BMPR2: variants seen among roughly 807,000 people sequenced by gnomAD.
BMPR2 encodes bone morphogenetic protein receptor type-2.
Under a neutral mutation model 100.8 loss-of-function variants are expected in BMPR2, and 29 were observed. The ratio of observed to expected loss-of-function variants is 0.29; its 90% CI spans 0.21 to 0.39. BMPR2 has a LOEUF of 0.39. Among genes scored for constraint, BMPR2 ranks in the 10% least tolerant of loss-of-function variants. BMPR2 has a pLI of 1.00. For missense variants in BMPR2, 1,011 were observed against 1,274.5 expected (o/e 0.79, Z 3.15); for synonymous variants, 382 against 442.3 (o/e 0.86, Z 1.71).
intron 1 of BMPR2, among the ~76,000 whole-genome samples, chr2:202,445,750 A>G (rs1298491321): frequency 1.4e-5 from 2 of 145,960 alleles, no homozygotes. Flanking sequence ...ATAAGCCACC[A>G]TGCCTAGCCC....
In BMPR2 at chr2:202,377,162, G is replaced by A. The variant is rs1690166025; in HGVS notation, c.-313G>A. On this transcript the variant is annotated 5_prime_UTR_variant, in exon 1 of 13. Coordinates refer to ENST00000374580, the MANE Select transcript of BMPR2 (RefSeq NM_001204.7). The stretch of plus-strand genomic sequence containing the variant: ...TTTTTGATATCGTGAAACTACGAGG[G>A]AAATAATTTGGGGGATTTCTTCTTG... 3.4e-6 allele frequency: 2 copies of A among 587,466 alleles called. No individual in the cohort carries two copies. Among genetic ancestry groups the A allele is most frequent in the Non-Finnish European group, 6.1e-6 (2 of 330,146 alleles). 36.4% of individuals were successfully genotyped at this position (587,466 alleles called of 1,614,324 possible). A position where few individuals can be genotyped will look rare whatever the true frequency, so the allele number is the denominator to read the frequency against.
chr2:202,416,939 C>G (rs374635183), intron 1 of BMPR2, among the ~76,000 whole-genome samples: 3 of 150,552 alleles, frequency 2.0e-5, no homozygotes, highest in Non-Finnish European at 4.4e-5. Context: ...TGGGTTCACA[C>G]GATTCTCCTG....
rs762103112 is a variant in BMPR2, at chr2:202,506,354, C to T, written c.419-7365C>T. Among the ~76,000 whole-genome samples the T allele has an allele frequency of 8.2e-4, 125 of 151,948 alleles. 1 individual carries two copies. The highest frequency in any genetic ancestry group is 8.4e-4 in the Non-Finnish European group (57 of 67,988). On this transcript the variant is annotated intron_variant, in intron 3 of 12. Coordinates refer to ENST00000374580, the MANE Select transcript of BMPR2 (RefSeq NM_001204.7). ...TGTATTTTTAGTAGAGACAGGGTTT[C>T]GCCATGTTGGCCAGCCTGGTCTCAA...
chr2:202,504,681 T>C (rs1261012704), intron 3 of BMPR2, among the ~76,000 whole-genome samples: 3 of 134,590 alleles, frequency 2.2e-5, no homozygotes, highest in African/African-American at 1.0e-4. Context: ...GTAGATTCTT[T>C]TTTTTTTTTT....
chr2:202,510,605 G>A (rs1369025813), intron 3 of BMPR2, among the ~76,000 whole-genome samples: 3 of 152,112 alleles, frequency 2.0e-5, no homozygotes, highest in East Asian at 3.8e-4. Context: ...GTGTGTGTAT[G>A]TGTATGTATT....
chr2:202,498,673 C>A (rs1427764617), intron 3 of BMPR2, among the ~76,000 whole-genome samples: 1 of 152,148 alleles, frequency 6.6e-6, no homozygotes. Flanking sequence ...CCTTGAAATG[C>A]ATCCTAAGCC....
chr2:202,540,286 A>T (rs2106029078), intron 9 of BMPR2, among the ~76,000 whole-genome samples: 1 of 152,318 alleles, frequency 6.6e-6, no homozygotes, highest in East Asian at 1.9e-4. Flanking sequence ...TGTTGTGTGT[A>T]TGTCTCAGAG....
chr2:202,457,557 TATATAGAGAG>T (rs377286655), intron 1 of BMPR2, among the ~76,000 whole-genome samples: 3,425 of 100,692 alleles, frequency 0.034, 150 homozygotes, highest in African/African-American at 0.14. Context: ...TATATATATA[TATATAGAGAG>T]AGAGAGAGAG....
chr2:202,404,046 T>G (rs1252510974), intron 1 of BMPR2, among the ~76,000 whole-genome samples: 1 of 152,002 alleles, frequency 6.6e-6, no homozygotes, highest in East Asian at 1.9e-4. Context: ...GCTTTTACTT[T>G]CTATATTTTA....
Position 202,558,683 on chromosome 2 carries a change from C to T in BMPR2, c.2867-1013C>T, listed in dbSNP as rs369593026. Among the ~76,000 whole-genome samples the T allele has an allele frequency of 2.6e-3, 387 of 151,286 alleles. 2 individuals are homozygous for T. Among genetic ancestry groups the T allele is most frequent in the African/African-American group, 6.8e-3 (279 of 41,226 alleles). On this transcript the variant is annotated intron_variant, in intron 12 of 12. Coordinates refer to ENST00000374580, the MANE Select transcript of BMPR2 (RefSeq NM_001204.7). ...CTGAGGCGGGCGGATCACCTGAGGT[C>T]GGGAGTTCGAGACCAACCTGACCAA...
intron 1 of BMPR2, among the ~76,000 whole-genome samples, chr2:202,406,805 A>G (rs1360516686): frequency 6.6e-6 from 1 of 152,182 alleles, no homozygotes; most frequent in Non-Finnish European, 1.5e-5. Context: ...GCTGCTATGC[A>G]AGGATGGCAA....
At chr2:202,467,974 G>A (rs1313407103) in intron 3 of BMPR2, among the ~76,000 whole-genome samples, 1 of 152,032 alleles carries the variant, frequency 6.6e-6, no homozygotes, top group Non-Finnish European at 1.5e-5. Flanking sequence ...TTGAACCCGG[G>A]AGGCAGAGGT....
rs901449886 is a variant in BMPR2, at chr2:202,562,529, T to C, written c.*2583T>C. On this transcript the variant is annotated 3_prime_UTR_variant, in exon 13 of 13. Transcript: ENST00000374580. The stretch of plus-strand genomic sequence containing the variant: ...AATTATTTTAAATGACTTAATTGTA[T>C]GCTAATACTCATCTGATAATAAATG... 6 of 152,734 alleles carry C rather than the reference T, an allele frequency of 3.9e-5. No individual in the cohort carries two copies. The highest frequency in any genetic ancestry group is 5.9e-5 in the Non-Finnish European group (4 of 68,018). 9.5% of individuals were successfully genotyped at this position (152,734 alleles called of 1,614,324 possible). A position where few individuals can be genotyped will look rare whatever the true frequency, so the allele number is the denominator to read the frequency against.
At chr2:202,435,073 G>T (rs1218380735) in intron 1 of BMPR2, among the ~76,000 whole-genome samples, 1 of 146,050 alleles carries the variant, frequency 6.8e-6, no homozygotes, top group African/African-American at 2.7e-5. Flanking sequence ...AAAATAAGCT[G>T]GATAGGCTGG....
chr2:202,539,618 A>G lies in BMPR2; in HGVS notation c.1277-2693A>G, dbSNP rs542935551. On this transcript the variant is annotated intron_variant, in intron 9 of 12. Coordinates refer to ENST00000374580, the MANE Select transcript of BMPR2 (RefSeq NM_001204.7). Reference sequence around the variant, plus strand: ...ACTATGTAATGAAGGTTACTTCTCTATAAAATGTTAGTAAAATAAATGATT... The same window carrying G: ...ACTATGTAATGAAGGTTACTTCTCTGTAAAATGTTAGTAAAATAAATGATT... 5.3e-5 allele frequency among the ~76,000 whole-genome samples: 8 copies of G among 152,274 alleles called. No individual in the cohort carries two copies. In the East Asian group the frequency reaches 9.6e-4, roughly 18 times the overall value.
At chr2:202,545,086 T>G (rs1378970053) in intron 10 of BMPR2, among the ~76,000 whole-genome samples, 1 of 150,706 alleles carries the variant, frequency 6.6e-6, no homozygotes, top group East Asian at 1.9e-4. Context: ...AATTATTTCT[T>G]ACCTTTCAAT....
At chr2:202,471,344 A>G (rs562388643) in intron 3 of BMPR2, among the ~76,000 whole-genome samples, 24 of 152,288 alleles carry the variant, frequency 1.6e-4, no homozygotes, top group Non-Finnish European at 2.6e-4. Context: ...AAAGGATCCT[A>G]AATCTAGGGG....
chr2:202,453,629 C>T (rs990342724), intron 1 of BMPR2, among the ~76,000 whole-genome samples: 1 of 151,964 alleles, frequency 6.6e-6, no homozygotes, highest in Non-Finnish European at 1.5e-5. Flanking sequence ...CATGGAGATA[C>T]AGAGTAGAAA....
chr2:202,488,251 A>C (rs868184842), intron 3 of BMPR2, among the ~76,000 whole-genome samples: 28 of 152,208 alleles, frequency 1.8e-4, no homozygotes, highest in Admixed American at 3.9e-4. Flanking sequence ...GTAGATTGGA[A>C]TATTGTAATT....
Sources: gnomAD v4.1 joint callset for allele counts (sites outside exome capture counted in the v4.1 genomes callset) on GRCh38, gnomAD v4.1.1 for gene constraint, MANE v1.5 for transcripts, NCBI Gene and HGNC (gene_info 2026-07-23, HGNC 2026-07-21) for gene names.